The following USP25 variants were observed in gnomAD, a reference collection of about 807,000 sequenced individuals.
The protein encoded by USP25 is ubiquitin specific peptidase 25, also known as ubiquitin carboxyl-terminal hydrolase 25.
A neutral mutation model predicts 158.5 loss-of-function variants in USP25; 85 were observed. The ratio of observed to expected loss-of-function variants is 0.54; its 90% CI spans 0.45 to 0.64. The LOEUF is 0.64. Among genes scored for constraint, USP25 ranks in the 30% least tolerant of loss-of-function variants. The pLI is 0.00. For missense variants in USP25, 1,242 were observed against 1,327.3 expected (o/e 0.94, Z 1.00); for synonymous variants, 464 against 460.4 (o/e 1.01, Z -0.10).
At chr21:15,824,313 ATTTAC>A in intron 11 of USP25, 147 bp downstream of exon 11, 2 of 906,996 alleles carry the variant, frequency 2.2e-6, no homozygotes, top group Non-Finnish European at 1.6e-6. Context: ...GGTAGATGAA[ATTTAC>A]TTTGTATTAG....
intron 3 of USP25, among the ~76,000 whole-genome samples, chr21:15,767,604 C>T (rs2034115821): frequency 6.6e-6 from 1 of 151,894 alleles, no homozygotes; most frequent in Admixed American, 6.6e-5. Context: ...GTATAAAGGT[C>T]AGAAAAATGA....
chr21:15,839,488 G>A (rs1328978137), intron 17 of USP25, among the ~76,000 whole-genome samples: 1 of 152,130 alleles, frequency 6.6e-6, no homozygotes, highest in Non-Finnish European at 1.5e-5. Flanking sequence ...ACCAGTACAT[G>A]TTACATTGAA....
intron 3 of USP25, among the ~76,000 whole-genome samples, chr21:15,772,608 T>C (rs1168247545): frequency 2.0e-5 from 3 of 152,168 alleles, no homozygotes; most frequent in African/African-American, 2.4e-5. Flanking sequence ...CAGTTAGAAG[T>C]TGTTTATAGC....
At chr21:15,823,822 T>C (rs570605968) in intron 10 of USP25, among the ~76,000 whole-genome samples, 1 of 152,276 alleles carries the variant, frequency 6.6e-6, no homozygotes, top group East Asian at 1.9e-4. Context: ...CTTTTTTTCC[T>C]GATCATATAT....
intron 11 of USP25, 104 bp from the exon 12 acceptor site, chr21:15,824,862 C>T (rs1422103162): frequency 2.9e-5 from 25 of 855,758 alleles, no homozygotes; most frequent in Middle Eastern, 2.9e-4. Flanking sequence ...GTGATCCTCC[C>T]GCCTTGGCGT....
In USP25 at chr21:15,836,346, G is replaced by A. The variant is rs77799642; in HGVS notation, c.2194+2798G>A. Among the ~76,000 whole-genome samples, 993 of 152,266 alleles carry A rather than the reference G, an allele frequency of 6.5e-3. 23 individuals are homozygous for A. Among genetic ancestry groups the A allele is most frequent in the East Asian group, 0.038 (195 of 5,184 alleles). ...TAAAATGTGATCGAGAAATTCATGC[G>A]TATCAGTTCACCAGCACCATTCGTT... On this transcript the variant is annotated intron_variant, in intron 17 of 25. Coordinates refer to ENST00000400183, the MANE Select transcript of USP25 (RefSeq NM_001283041.3).
intron 20 of USP25, among the ~76,000 whole-genome samples, chr21:15,861,446 A>T (rs575668113): frequency 2.6e-5 from 4 of 152,298 alleles, no homozygotes; most frequent in Non-Finnish European, 5.9e-5. Flanking sequence ...GTCTGTGATA[A>T]TTAACTTAAA....
At chr21:15,813,343 T>C (rs1231957636) in intron 9 of USP25, among the ~76,000 whole-genome samples, 1 of 152,338 alleles carries the variant, frequency 6.6e-6, no homozygotes, top group East Asian at 1.9e-4. Flanking sequence ...TTAATGAAAC[T>C]TAATCACAGG....
chr21:15,814,735 G>T (rs2036847977), intron 9 of USP25, among the ~76,000 whole-genome samples: 1 of 152,164 alleles, frequency 6.6e-6, no homozygotes, highest in Non-Finnish European at 1.5e-5. Flanking sequence ...TTCAAGAGAT[G>T]ACTTGGGAGC....
At chr21:15,877,765 T>C in intron 24 of USP25, 31 bp from the exon 25 acceptor site, 7 of 1,499,432 alleles carry the variant, frequency 4.7e-6, no homozygotes, top group Non-Finnish European at 6.3e-6. Context: ...AACAAAAACC[T>C]ATTCTTTTTT....
chr21:15,835,666 A>G (rs567136936), intron 17 of USP25, among the ~76,000 whole-genome samples: 44 of 152,360 alleles, frequency 2.9e-4, no homozygotes, highest in African/African-American at 9.4e-4. Flanking sequence ...GAAATGGTCA[A>G]TTCCTATTCC....
intron 17 of USP25, among the ~76,000 whole-genome samples, chr21:15,834,283 A>G (rs75622866): frequency 0.076 from 11,576 of 152,248 alleles, 509 homozygotes; most frequent in East Asian, 0.099. Flanking sequence ...TTCTTAAAAG[A>G]TTACTCTTCA....
intron 23 of USP25, among the ~76,000 whole-genome samples, chr21:15,870,632 A>G (rs2039846519): frequency 6.6e-6 from 1 of 152,164 alleles, no homozygotes; most frequent in Non-Finnish European, 1.5e-5. Flanking sequence ...GAAAGGATAC[A>G]TTTTGCTTTA....
At chr21:15,873,026 G>C (rs1319281572) in intron 23 of USP25, among the ~76,000 whole-genome samples, 4 of 152,036 alleles carry the variant, frequency 2.6e-5, no homozygotes. Context: ...TACTTGGCTA[G>C]ATATAGTTTT....
chr21:15,791,653 G>T lies in USP25; in HGVS notation c.544G>T (p.Ala182Ser). The change falls in exon 5 of 26, where the codon GCT becomes TCT. Residue 182 changes from alanine (A) to serine (S), a missense_variant. Coordinates refer to ENST00000400183, the MANE Select transcript of USP25 (RefSeq NM_001283041.3). Reference protein sequence around the residue: ...KNVGNTCWFSAVIQSLFNLLE... With the variant: ...KNVGNTCWFSSVIQSLFNLLE... The stretch of plus-strand genomic sequence containing the variant: ...TGTTGGCAATACTTGTTGGTTTAGT[G>T]CTGTTATTCAGGTAAGGATTTTTCT... 1 of 1,607,546 alleles carries T rather than the reference G, an allele frequency of 6.2e-7. No individual in the cohort carries two copies. Among genetic ancestry groups the T allele is most frequent in the East Asian group, 2.2e-5 (1 of 44,712 alleles).
intron 24 of USP25, 66 bp downstream of exon 24, chr21:15,874,592 A>T: frequency 1.4e-6 from 2 of 1,463,154 alleles, no homozygotes; most frequent in South Asian, 1.4e-5. Flanking sequence ...TTCCAGACTC[A>T]TATATAAGTG....
intron 4 of USP25, among the ~76,000 whole-genome samples, chr21:15,786,677 A>G (rs1352751267): frequency 6.6e-6 from 1 of 152,152 alleles, no homozygotes; most frequent in Non-Finnish European, 1.5e-5. Context: ...CTGAATGCAG[A>G]AAAAAATGAA....
intron 22 of USP25, among the ~76,000 whole-genome samples, chr21:15,866,822 C>T (rs1230824477): frequency 6.6e-6 from 1 of 152,072 alleles, no homozygotes; most frequent in Non-Finnish European, 1.5e-5. Flanking sequence ...CCATTTGACA[C>T]ACGAGAAAAT....
chr21:15,758,785 G>T (rs1314222953), intron 1 of USP25, among the ~76,000 whole-genome samples: 1 of 151,970 alleles, frequency 6.6e-6, no homozygotes, highest in Non-Finnish European at 1.5e-5. Context: ...ATGTGCAGGG[G>T]AACTTTCCTT....
Sources: allele counts gnomAD v4.1 joint callset (sites outside exome capture counted in the v4.1 genomes callset), GRCh38; gene constraint gnomAD v4.1.1; transcripts MANE v1.5; gene names NCBI Gene and HGNC (gene_info 2026-07-23, HGNC 2026-07-21).